RIMS2: variants seen among roughly 807,000 people sequenced by gnomAD.
RIMS2 encodes regulating synaptic membrane exocytosis 2.
In RIMS2, 59 loss-of-function variants were observed where a neutral mutation model predicts 174.4. The ratio of observed to expected loss-of-function variants is 0.34; its 90% CI spans 0.27 to 0.42. The LOEUF is 0.42. Among genes scored for constraint, RIMS2 ranks in the 10% least tolerant of loss-of-function variants. The pLI is 1.00. For missense variants in RIMS2, 1,620 were observed against 1,666.3 expected (o/e 0.97, Z 0.48); for synonymous variants, 606 against 572.5 (o/e 1.06, Z -0.84).
At chr8:104,211,426 T>G (rs1425766894) in intron 19 of RIMS2, among the ~76,000 whole-genome samples, 1 of 152,178 alleles carries the variant, frequency 6.6e-6, no homozygotes, top group African/African-American at 2.4e-5. Flanking sequence ...TTCAGTCTGG[T>G]GATCACCAGG....
chr8:104,018,056 CA>C (rs35530382), intron 19 of RIMS2, among the ~76,000 whole-genome samples: 27,251 of 152,148 alleles, frequency 0.18, 2,744 homozygotes, highest in South Asian at 0.34. Context: ...GCCTGGGTGA[CA>C]GTGAGACTCC....
chr8:103,515,833 T>C (rs975649635), intron 1 of RIMS2, among the ~76,000 whole-genome samples: 1 of 152,124 alleles, frequency 6.6e-6, no homozygotes, highest in African/African-American at 2.4e-5. Flanking sequence ...TTGTTTTTGG[T>C]ACATCTTTGC....
intron 19 of RIMS2, among the ~76,000 whole-genome samples, chr8:104,091,059 C>A (rs2129746822): frequency 6.6e-6 from 1 of 151,794 alleles, no homozygotes; most frequent in Admixed American, 6.6e-5. Context: ...TTAATCCTTG[C>A]AGCAAGCCTT....
chr8:103,643,032 A>G (rs1435225308), intron 1 of RIMS2, among the ~76,000 whole-genome samples: 1 of 151,868 alleles, frequency 6.6e-6, no homozygotes, highest in Non-Finnish European at 1.5e-5. Flanking sequence ...TGCTATTCCC[A>G]TTACACATAC....
chr8:103,558,310 C>G (rs749901217), intron 1 of RIMS2, among the ~76,000 whole-genome samples: 2 of 152,154 alleles, frequency 1.3e-5, no homozygotes, highest in Non-Finnish European at 2.9e-5. Context: ...CAACCTCTGT[C>G]TCCTGTGTTG....
intron 1 of RIMS2, among the ~76,000 whole-genome samples, chr8:103,604,573 T>C (rs879797144): frequency 7.9e-5 from 12 of 151,570 alleles, no homozygotes; most frequent in Non-Finnish European, 1.0e-4. Context: ...GCATTCAATC[T>C]GTAAATTACC....
In RIMS2 at chr8:104,228,942, C is replaced by T. The variant is rs559706957; in HGVS notation, c.3335-15974C>T. Among the ~76,000 whole-genome samples, 7 of 152,312 alleles carry T rather than the reference C, an allele frequency of 4.6e-5. No individual in the cohort carries two copies. The East Asian group carries it at 1.3e-3, about 29-fold the overall frequency. ...AAAAGTAAATTGAGTAACAGTTCCA[C>T]TCAATGCCTATCAAATATTACCTTT... On this transcript the variant is annotated intron_variant, in intron 19 of 23. Coordinates refer to ENST00000504942, the Ensembl canonical transcript of RIMS2.
chr8:103,905,402 A>C (rs1268925549), intron 4 of RIMS2, among the ~76,000 whole-genome samples: 2 of 152,124 alleles, frequency 1.3e-5, no homozygotes, highest in African/African-American at 4.8e-5. Flanking sequence ...CAATTGAAAA[A>C]TATTGTGCCA....
chr8:103,801,877 G>A (rs1217135534), intron 3 of RIMS2, among the ~76,000 whole-genome samples: 4 of 151,984 alleles, frequency 2.6e-5, no homozygotes, highest in Admixed American at 2.6e-4. Context: ...TGTCATAATC[G>A]GTGACATTTA....
intron 19 of RIMS2, among the ~76,000 whole-genome samples, chr8:104,197,262 A>G (rs1181502366): frequency 6.8e-6 from 1 of 147,464 alleles, no homozygotes; most frequent in Non-Finnish European, 1.5e-5. Flanking sequence ...TGCAACCTCC[A>G]TTTCCTGGGT....
chr8:103,600,108 C>G (rs767919057), intron 1 of RIMS2, among the ~76,000 whole-genome samples: 1 of 152,018 alleles, frequency 6.6e-6, no homozygotes, highest in Non-Finnish European at 1.5e-5. Flanking sequence ...TTTTACTTCC[C>G]ACAAATTTTT....
intron 3 of RIMS2, among the ~76,000 whole-genome samples, chr8:103,832,270 T>C (rs1201777622): frequency 6.6e-6 from 1 of 152,242 alleles, no homozygotes; most frequent in Non-Finnish European, 1.5e-5. Context: ...TAACATTTAA[T>C]ATAATTATTG....
intron 1 of RIMS2, among the ~76,000 whole-genome samples, chr8:103,614,416 G>A (rs757004387): frequency 6.6e-6 from 1 of 152,244 alleles, no homozygotes; most frequent in African/African-American, 2.4e-5. Context: ...GCATTGGAGA[G>A]GTGTGGCACT....
intron 1 of RIMS2, among the ~76,000 whole-genome samples, chr8:103,670,662 T>C (rs2096733212): frequency 6.6e-6 from 1 of 152,164 alleles, no homozygotes; most frequent in African/African-American, 2.4e-5. Context: ...TGCCAGTCTC[T>C]TTGCTAAAAA....
chr8:103,588,836 G>A (rs1362101001), intron 1 of RIMS2, among the ~76,000 whole-genome samples: 1 of 151,844 alleles, frequency 6.6e-6, no homozygotes, highest in African/African-American at 2.4e-5. Context: ...AGATATTTAG[G>A]ATATTGGTCT....
chr8:103,879,212 G>A (rs2099156120), intron 3 of RIMS2, among the ~76,000 whole-genome samples: 1 of 151,324 alleles, frequency 6.6e-6, no homozygotes, highest in South Asian at 2.1e-4. Flanking sequence ...TGGGGTAGAT[G>A]AATAAGAGGA....
Position 103,735,394 on chromosome 8 carries a change from A to G in RIMS2, c.388-30833A>G, listed in dbSNP as rs920940048. 2.6e-5 allele frequency among the ~76,000 whole-genome samples: 4 copies of G among 152,266 alleles called. No homozygotes were observed. The East Asian group carries it at 7.7e-4, about 29-fold the overall frequency. ...TTCCAGAAATTCTATTTTATTTCAT[A>G]TATGTTTAATCCTTTTTGGTGTTTT... On this transcript the variant is annotated intron_variant, in intron 2 of 23. Transcript: ENST00000504942.
At chr8:104,017,259 A>G (rs928104922) in intron 19 of RIMS2, among the ~76,000 whole-genome samples, 1 of 151,912 alleles carries the variant, frequency 6.6e-6, no homozygotes, top group South Asian at 2.1e-4. Flanking sequence ...TTGGATTATC[A>G]CCTAAAAAGT....
chr8:103,722,199 A>G (rs2138474069), intron 2 of RIMS2, among the ~76,000 whole-genome samples: 1 of 152,074 alleles, frequency 6.6e-6, no homozygotes, highest in South Asian at 2.1e-4. Context: ...GTGAAACCCC[A>G]TCTCTACTAA....
Sources: allele counts gnomAD v4.1 joint callset (sites outside exome capture counted in the v4.1 genomes callset), GRCh38; gene constraint gnomAD v4.1.1; transcripts MANE v1.5; gene names NCBI Gene and HGNC (gene_info 2026-07-23, HGNC 2026-07-21).